Variants in LDLRAD4 observed in about 807,000 individuals in gnomAD.
LDLRAD4 encodes low-density lipoprotein receptor class A domain-containing protein 4.
Under a neutral mutation model 17.0 loss-of-function variants are expected in LDLRAD4, and 5 were observed. The observed-to-expected ratio is 0.29, with a 90% CI of 0.15 to 0.62. The LOEUF (loss-of-function observed/expected upper bound fraction) is 0.62, where lower values mean the gene tolerates loss of function less well. Ranked by LOEUF, LDLRAD4 falls within the 20% of genes least tolerant of loss-of-function variation. LDLRAD4 has a pLI of 0.84. For missense variants in LDLRAD4, 340 were observed against 424.7 expected, an observed-to-expected ratio of 0.80 and a Z score of 1.75; for synonymous variants, 168 against 171.8, an observed-to-expected ratio of 0.98 and a Z score of 0.17.
At chr18:13,430,679 A>G (rs188833493) in intron 2 of LDLRAD4, among the ~76,000 whole-genome samples, 12 of 152,308 alleles carry the variant, frequency 7.9e-5, no homozygotes, top group Non-Finnish European at 1.6e-4. Context: ...ATACATACAC[A>G]TATGCTGTAT....
intron 1 of LDLRAD4, among the ~76,000 whole-genome samples, chr18:13,255,901 T>A (rs889950585): frequency 2.0e-5 from 3 of 152,186 alleles, no homozygotes; most frequent in African/African-American, 7.2e-5. Context: ...TGATCATTGC[T>A]TTTATTGTGA....
intron 3 of LDLRAD4, among the ~76,000 whole-genome samples, chr18:13,509,753 A>C (rs2147439922): frequency 6.6e-6 from 1 of 152,348 alleles, no homozygotes; most frequent in African/African-American, 2.4e-5. Context: ...AGGAAGAGTC[A>C]ATCAATGAGG....
chr18:13,440,824 A>G lies in LDLRAD4; in HGVS notation c.181+2440A>G, dbSNP rs1363986924. 1.3e-5 allele frequency among the ~76,000 whole-genome samples: 2 copies of G among 152,200 alleles called. No individual in the cohort carries two copies. Among genetic ancestry groups the G allele is most frequent in the Admixed American group, 1.3e-4 (2 of 15,284 alleles). ...CTGTGACTTTGTATGGTTTATCTGTAATGTCAGAGCCATTGTGTACACGGA... is the reference window on the plus strand; with the variant it reads ...CTGTGACTTTGTATGGTTTATCTGTGATGTCAGAGCCATTGTGTACACGGA... On this transcript the variant is annotated intron_variant, in intron 3 of 5. Transcript: ENST00000359446. This position sits in a 1 kb window ranked among gnomAD's most constrained non-coding sequence, Gnocchi z 4.4.
In LDLRAD4 at chr18:13,367,154, CTGT is replaced by C. The variant is rs2084117072; in HGVS notation, c.-382-20186_-382-20184del. 6.6e-6 allele frequency among the ~76,000 whole-genome samples: 1 copy of C among 152,178 alleles called. No individual in the cohort carries two copies. The highest frequency in any genetic ancestry group is 1.5e-5 in the Non-Finnish European group (1 of 68,028). On this transcript the variant is annotated intron_variant, in intron 1 of 5. Transcript: ENST00000359446. The surrounding 1 kb of genome is among the most constrained non-coding windows in gnomAD (Gnocchi z 4.1). ...TCCTGTTGCTGTCCACAGGGAAGTC[CTGT>C]GGCTGTGGGAAGGAGGTTTTGCAAT...
intron 3 of LDLRAD4, among the ~76,000 whole-genome samples, chr18:13,599,643 A>G (rs1269926474): frequency 1.3e-5 from 2 of 151,884 alleles, no homozygotes; most frequent in African/African-American, 4.8e-5. Flanking sequence ...GGCGCCCGCC[A>G]CCACACCCGG....
intron 3 of LDLRAD4, among the ~76,000 whole-genome samples, chr18:13,546,450 C>T (rs941683505): frequency 1.3e-5 from 2 of 149,598 alleles, no homozygotes; most frequent in Non-Finnish European, 3.0e-5. Flanking sequence ...CTCATAGCAG[C>T]CTCAAATTCC....
At chr18:13,342,376 A>G (rs1336724430) in intron 1 of LDLRAD4, among the ~76,000 whole-genome samples, 1 of 151,560 alleles carries the variant, frequency 6.6e-6, no homozygotes, top group Non-Finnish European at 1.5e-5. Context: ...TTTTTCTTTC[A>G]TAGGAGGCTT....
intron 4 of LDLRAD4, 103 bp from the exon 6 acceptor site, chr18:13,643,256 C>T (rs1262000572): frequency 3.9e-5 from 28 of 726,954 alleles, no homozygotes; most frequent in Non-Finnish European, 5.5e-5. Flanking sequence ...TTATGCAGAT[C>T]CCCGTTTCCA....
At position 13,374,454 on chromosome 18, in the gene LDLRAD4, A is replaced by G. The variant is rs371948822; in HGVS notation, c.-382-12887A>G. ...AGATGTGGTCCCCAGCAGCATCAGCATCCCCTGGGAGCTGGTTGGAAATGC... is the reference window on the plus strand; with the variant it reads ...AGATGTGGTCCCCAGCAGCATCAGCGTCCCCTGGGAGCTGGTTGGAAATGC... On this transcript the variant is annotated intron_variant, in intron 1 of 5. Transcript: ENST00000359446. 1.4e-4 allele frequency among the ~76,000 whole-genome samples: 21 copies of G among 152,350 alleles called. No homozygotes were observed. In the East Asian group the frequency reaches 2.5e-3, roughly 18 times the overall value.
At chr18:13,542,841 G>A (rs2094305329) in intron 3 of LDLRAD4, 1 of 152,228 alleles carries the variant, frequency 6.6e-6, no homozygotes, top group Admixed American at 6.5e-5. Flanking sequence ...TTTACAAAGA[G>A]AAGGGGCCAC....
At chr18:13,558,175 C>T (rs946884783) in intron 3 of LDLRAD4, among the ~76,000 whole-genome samples, 1 of 152,202 alleles carries the variant, frequency 6.6e-6, no homozygotes, top group Non-Finnish European at 1.5e-5. Flanking sequence ...TACCCTTGTG[C>T]AAAAATAGAC....
At chr18:13,427,554 TG>T (rs1185618642) in intron 2 of LDLRAD4, 2 of 152,328 alleles carry the variant, frequency 1.3e-5, no homozygotes, top group East Asian at 3.8e-4. Context: ...GGCTGTTTCC[TG>T]AATCAACAGT....
intron 1 of LDLRAD4, among the ~76,000 whole-genome samples, chr18:13,253,731 T>C (rs764358787): frequency 5.3e-5 from 8 of 152,242 alleles, no homozygotes; most frequent in Non-Finnish European, 1.0e-4. Flanking sequence ...CCATGTTTTA[T>C]TTCTTTTCAT....
chr18:13,449,764 C>G (rs555223286), intron 3 of LDLRAD4, among the ~76,000 whole-genome samples: 1 of 152,162 alleles, frequency 6.6e-6, no homozygotes, highest in South Asian at 2.1e-4. Flanking sequence ...ACACTTCAGG[C>G]CTTTTACCCT....
At chr18:13,322,290 CTTTTT>C (rs370707500) in intron 1 of LDLRAD4, among the ~76,000 whole-genome samples, 1 of 109,742 alleles carries the variant, frequency 9.1e-6, no homozygotes, top group African/African-American at 3.8e-5. Flanking sequence ...ACTTTTCTCA[CTTTTT>C]TTTTTTTTTT....
chr18:13,406,993 C>T (rs1192126406), intron 2 of LDLRAD4, among the ~76,000 whole-genome samples: 2 of 152,182 alleles, frequency 1.3e-5, no homozygotes, highest in African/African-American at 4.8e-5. Flanking sequence ...CCAGGACTGT[C>T]GGCCTCTGCC....
chr18:13,416,031 G>A (rs1310337666), intron 2 of LDLRAD4, among the ~76,000 whole-genome samples: 3 of 152,238 alleles, frequency 2.0e-5, no homozygotes, highest in African/African-American at 7.2e-5. Context: ...ACAGTGCCCT[G>A]CAGGGCGCAG....
At chr18:13,404,593 C>G (rs1446316928) in intron 2 of LDLRAD4, among the ~76,000 whole-genome samples, 2 of 152,022 alleles carry the variant, frequency 1.3e-5, no homozygotes, top group African/African-American at 2.4e-5. Flanking sequence ...GTCAGGAGAT[C>G]GAGACCATCC....
intron 4 of LDLRAD4, among the ~76,000 whole-genome samples, chr18:13,633,594 G>GC (rs1467557206): frequency 6.6e-6 from 1 of 152,210 alleles, no homozygotes; most frequent in Non-Finnish European, 1.5e-5. Flanking sequence ...TATCAGCGCT[G>GC]CCCCAAATTG....
Sources: allele counts gnomAD v4.1 joint callset (sites outside exome capture counted in the v4.1 genomes callset), GRCh38; gene constraint gnomAD v4.1.1; non-coding constraint Gnocchi (gnomAD v3.1); transcripts MANE v1.5; gene names NCBI Gene and HGNC (gene_info 2026-07-23, HGNC 2026-07-21).